The following DLGAP1 variants were observed in gnomAD, a reference collection of about 807,000 sequenced individuals.
DLGAP1 encodes the protein disks large-associated protein 1.
Under a neutral mutation model 90.8 loss-of-function variants are expected in DLGAP1, and 11 were observed. The ratio of observed to expected loss-of-function variants is 0.12; its 90% CI spans 0.08 to 0.20. The LOEUF is 0.20. DLGAP1 is among the 10% of genes least tolerant of loss of function. The pLI, the probability that DLGAP1 is intolerant of heterozygous loss-of-function variation, is 1.00. For synonymous variants in DLGAP1, 558 were observed against 540.7 expected (o/e 1.03, Z -0.44); for missense variants, 1,050 against 1,333.8 (o/e 0.79, Z 3.31).
chr18:4,061,131 T>C (rs1004285149), intron 2 of DLGAP1, among the ~76,000 whole-genome samples: 5 of 152,204 alleles, frequency 3.3e-5, no homozygotes, highest in African/African-American at 1.2e-4. Flanking sequence ...AATTGCCTAC[T>C]TACCAAGTTT....
chr18:4,061,907 A>G (rs2075303549), intron 2 of DLGAP1, among the ~76,000 whole-genome samples: 1 of 152,140 alleles, frequency 6.6e-6, no homozygotes, highest in African/African-American at 2.4e-5. Context: ...ATAATCACCT[A>G]TAGGACTGTA....
intron 1 of DLGAP1, among the ~76,000 whole-genome samples, chr18:4,203,111 TA>T (rs1824290001): frequency 6.6e-6 from 1 of 152,030 alleles, no homozygotes; most frequent in African/African-American, 2.4e-5. Context: ...CTGTCTCTAC[TA>T]AAAATACAAA....
Position 4,357,085 on chromosome 18 carries a change from G to A in DLGAP1, c.-267+97921C>T, listed in dbSNP as rs1037941633. On this transcript the variant is annotated intron_variant, in intron 1 of 12. Transcript: ENST00000315677. ...TCTCTCTCTCTCTCTGTGTATATAC[G>A]TGTGCGTGTGTGTGTGTGTGTGTGT... 2.3e-4 allele frequency among the ~76,000 whole-genome samples: 8 copies of A among 35,100 alleles called. No individual in the cohort carries two copies. The Admixed American group carries it at 2.8e-3, about 12-fold the overall frequency. The allele number at this position is 35,100 out of a possible 152,430, so 23.0% of individuals were successfully genotyped here. A position where few individuals can be genotyped will look rare whatever the true frequency, so the allele number is the denominator to read the frequency against.
Position 3,814,253 on chromosome 18 carries a change from T to C in DLGAP1, c.978A>G (p.Thr326=). 1 of 1,614,178 alleles carries C rather than the reference T, an allele frequency of 6.2e-7. No homozygotes were observed. Among genetic ancestry groups the C allele is most frequent in the Non-Finnish European group, 8.5e-7 (1 of 1,180,004 alleles). ...CATCTTTACCTCGTGGGGTGTACCC[T>C]GTCCATTCATCTTGTGGAACCTATT... ...QYLQVPQDEW[T]GYTPRGKDDE... The change falls in exon 5 of 13, where the codon ACA becomes ACG. Residue 326 remains threonine (T), a synonymous_variant. Transcript: ENST00000315677.
At chr18:4,033,650 A>C (rs1370122704) in intron 2 of DLGAP1, among the ~76,000 whole-genome samples, 1 of 152,144 alleles carries the variant, frequency 6.6e-6, no homozygotes, top group East Asian at 1.9e-4. Flanking sequence ...TCTATTATCA[A>C]ATTTAAATTA....
At position 3,838,923 on chromosome 18, in the gene DLGAP1, T is replaced by TA. The variant is rs554933707; in HGVS notation, c.958-24651dup. ...TTCTCCTTTCATAGCCTGCTTTGGT[T>TA]AAAAAAAAATCATGTCATAAAAGAG... is the stretch of plus-strand genomic sequence containing the variant. On this transcript the variant is annotated intron_variant, in intron 4 of 12. Transcript: ENST00000315677. 8.1e-3 allele frequency among the ~76,000 whole-genome samples: 1,236 copies of TA among 151,668 alleles called. 18 individuals are homozygous for TA. The highest frequency in any genetic ancestry group is 0.029 in the African/African-American group (1,185 of 41,406).
At chr18:3,579,279 C>T (rs762790564) in intron 8 of DLGAP1, among the ~76,000 whole-genome samples, 75 of 152,214 alleles carry the variant, frequency 4.9e-4, no homozygotes, top group African/African-American at 7.0e-4. Flanking sequence ...GGCATGATCT[C>T]GGCTCACCGC....
chr18:3,893,472 A>G (rs926204310), intron 3 of DLGAP1, among the ~76,000 whole-genome samples: 1 of 151,860 alleles, frequency 6.6e-6, no homozygotes, highest in African/African-American at 2.4e-5. Context: ...CCAGCTACTC[A>G]GGAGGCTGAG....
In DLGAP1 at chr18:3,879,557, T is replaced by C. The variant is rs758177638; in HGVS notation, c.512A>G (p.Asp171Gly). 1.3e-6 allele frequency: 2 copies of C among 1,599,208 alleles called. No individual in the cohort carries two copies. The highest frequency in any genetic ancestry group is 2.2e-5 in the East Asian group (1 of 44,788). Residue 171 changes from aspartate to glycine, a missense_variant, in exon 4 of 13, where the codon GAC becomes GGC. By Grantham distance (94) the Asp-to-Gly change is moderately conservative. This residue lies in a region of DLGAP1 where 485 missense variants were observed against 454.1 expected (regional missense o/e 1.07). Coordinates refer to ENST00000315677, the MANE Select transcript of DLGAP1 (RefSeq NM_004746.4). The surrounding 1 kb of genome is among the most constrained non-coding windows in gnomAD (Gnocchi z 6.6). ...GSVNGGKASP[D>G]EAQAARYGKR... ...GCCATAGCGCGCCGCCTGCGCCTCG[T>C]CAGGGCTGGCCTTGCCCCCGTTGAC... is the stretch of plus-strand genomic sequence containing the variant.
intron 2 of DLGAP1, among the ~76,000 whole-genome samples, chr18:4,070,314 C>T (rs1335878977): frequency 6.6e-6 from 1 of 152,042 alleles, no homozygotes; most frequent in Non-Finnish European, 1.5e-5. Flanking sequence ...ACTTTTTTCA[C>T]AACAGCTAAA....
chr18:4,250,141 G>T (rs2078750607), intron 1 of DLGAP1, among the ~76,000 whole-genome samples: 1 of 152,154 alleles, frequency 6.6e-6, no homozygotes, highest in South Asian at 2.1e-4. Context: ...TAGATGTTTG[G>T]GGAGACTGCT....
intron 5 of DLGAP1, among the ~76,000 whole-genome samples, chr18:3,793,106 C>T (rs945201773): frequency 6.6e-6 from 1 of 152,128 alleles, no homozygotes; most frequent in African/African-American, 2.4e-5. Context: ...AGGCAGGAGA[C>T]CAGGAGGAAT....
chr18:4,399,613 T>C (rs2082510157), intron 1 of DLGAP1, among the ~76,000 whole-genome samples: 2 of 152,184 alleles, frequency 1.3e-5, no homozygotes, highest in Admixed American at 1.3e-4. Context: ...AATCCTTTGT[T>C]GAGACTGTTG....
intron 2 of DLGAP1, among the ~76,000 whole-genome samples, chr18:4,099,653 G>C (rs1203036057): frequency 2.0e-5 from 3 of 151,770 alleles, no homozygotes; most frequent in Non-Finnish European, 4.4e-5. Flanking sequence ...GATCAGGGTG[G>C]TGGTTGCTGA....
At chr18:4,371,943 T>G (rs2058879379) in intron 1 of DLGAP1, among the ~76,000 whole-genome samples, 1 of 152,222 alleles carries the variant, frequency 6.6e-6, no homozygotes, top group South Asian at 2.1e-4. Context: ...GTAATGTATC[T>G]CTCTGAACAT....
intron 5 of DLGAP1, among the ~76,000 whole-genome samples, chr18:3,777,021 A>G (rs2064968778): frequency 7.1e-6 from 1 of 140,050 alleles, no homozygotes; most frequent in Non-Finnish European, 1.6e-5. Context: ...TCAAACTCTC[A>G]AGCAATCCTC....
chr18:3,986,631 G>T (rs2073848964), intron 3 of DLGAP1: 1 of 152,156 alleles, frequency 6.6e-6, no homozygotes, highest in South Asian at 2.1e-4. Context: ...TGTTTTGGAA[G>T]AGTCCAGAGG....
chr18:4,137,749 C>T (rs1006245384), intron 2 of DLGAP1, among the ~76,000 whole-genome samples: 1 of 152,104 alleles, frequency 6.6e-6, no homozygotes, highest in Admixed American at 6.6e-5. Flanking sequence ...TTGATTCTTC[C>T]ATCCTATGAA....
At chr18:3,880,290 C>A (rs911626438) in intron 3 of DLGAP1, 150 bp from the exon 4 acceptor site, 14 of 602,452 alleles carry the variant, frequency 2.3e-5, no homozygotes, top group Non-Finnish European at 3.8e-5. Context: ...CTCAAGCCAT[C>A]CTTCCACACC....
Sources: gnomAD v4.1 joint callset for allele counts (sites outside exome capture counted in the v4.1 genomes callset) on GRCh38, gnomAD v4.1.1 for gene constraint, gnomAD v4.1.1 regional missense constraint, Gnocchi (gnomAD v3.1) non-coding constraint, MANE v1.5 for transcripts, NCBI Gene and HGNC (gene_info 2026-07-23, HGNC 2026-07-21) for gene names.